The following PTPRZ1 variants were observed in gnomAD, a reference collection of about 807,000 sequenced individuals.
PTPRZ1 encodes the protein protein tyrosine phosphatase receptor type Z1.
A neutral mutation model predicts 214.1 loss-of-function variants in PTPRZ1; 82 were observed. The ratio of observed to expected loss-of-function variants is 0.38; its 90% CI spans 0.32 to 0.46. The LOEUF is 0.46. PTPRZ1 is among the 20% of genes least tolerant of loss of function. The pLI, the probability that PTPRZ1 is intolerant of heterozygous loss-of-function variation, is 1.00. For synonymous variants in PTPRZ1, 945 were observed against 987.9 expected (o/e 0.96, Z 0.81); for missense variants, 2,603 against 2,748.7 (o/e 0.95, Z 1.19).
In PTPRZ1 at chr7:122,061,096, T is replaced by G; in HGVS notation, c.6824T>G (p.Leu2275Arg). 6.2e-7 allele frequency: 1 copy of G among 1,607,864 alleles called. No individual in the cohort carries two copies. Among genetic ancestry groups the G allele is most frequent in the South Asian group, 1.1e-5 (1 of 90,120 alleles). Residue 2275 changes from leucine to arginine, a missense_variant, in exon 30 of 30, where the codon CTC (leucine) becomes CGC (arginine). This residue lies in a region of PTPRZ1 where 165 missense variants were observed against 151.4 expected (regional missense o/e 1.09). Coordinates refer to ENST00000393386, the MANE Select transcript of PTPRZ1 (RefSeq NM_002851.3). ...GTTCTCTAGGAGCAGTATCAGTTTC[T>G]CTACAAAGTGATCCTCAGCCTTGTG... Reference protein sequence around the residue: ...VFADIEQYQFLYKVILSLVST... With the variant: ...VFADIEQYQFRYKVILSLVST...
At chr7:122,015,996 C>G (rs1798830718) in intron 12 of PTPRZ1, among the ~76,000 whole-genome samples, 1 of 152,022 alleles carries the variant, frequency 6.6e-6, no homozygotes, top group Non-Finnish European at 1.5e-5. Flanking sequence ...TGCATGCAGA[C>G]TAGCTCTGAA....
chr7:121,985,234 A>T (rs1347789746), intron 8 of PTPRZ1, among the ~76,000 whole-genome samples: 10 of 152,192 alleles, frequency 6.6e-5, no homozygotes. Context: ...GTAGTACTAA[A>T]TACTATAGCA....
intron 15 of PTPRZ1, among the ~76,000 whole-genome samples, chr7:122,033,676 T>C (rs1318084912): frequency 6.6e-6 from 1 of 152,040 alleles, no homozygotes; most frequent in Non-Finnish European, 1.5e-5. Context: ...CTTTTTAAAG[T>C]AACCCCCCAA....
At chr7:121,884,525 T>C (rs181351525) in intron 1 of PTPRZ1, among the ~76,000 whole-genome samples, 2 of 152,310 alleles carry the variant, frequency 1.3e-5, no homozygotes, top group East Asian at 3.9e-4. Context: ...GCCTGACATT[T>C]TCCTGCCTCC....
At chr7:122,031,412 G>T in intron 14 of PTPRZ1, 62 bp from the exon 15 acceptor site, 1 of 1,159,396 alleles carries the variant, frequency 8.6e-7, no homozygotes, top group Non-Finnish European at 1.3e-6. Flanking sequence ...TACTTTATAA[G>T]TGATAGGTAC....
At chr7:121,965,467 A>G (rs2116502451) in intron 2 of PTPRZ1, among the ~76,000 whole-genome samples, 1 of 152,254 alleles carries the variant, frequency 6.6e-6, no homozygotes, top group East Asian at 1.9e-4. Context: ...CTCAGTTCTT[A>G]GCCACACGCC....
chr7:121,882,742 C>T (rs778426198), intron 1 of PTPRZ1, among the ~76,000 whole-genome samples: 4 of 152,220 alleles, frequency 2.6e-5, no homozygotes, highest in Admixed American at 2.0e-4. Context: ...AATCAGGAAG[C>T]TTGGTTAAAA....
chr7:121,993,734 A>G (rs1011431834), intron 8 of PTPRZ1, among the ~76,000 whole-genome samples: 1 of 152,198 alleles, frequency 6.6e-6, no homozygotes, highest in South Asian at 2.1e-4. Context: ...GGAATTAACT[A>G]AATTGTTATT....
In PTPRZ1 at chr7:122,011,112, C is replaced by T; in HGVS notation, c.2066C>T (p.Thr689Ile). ...TEIRVDESEK[T>I]TKSFSAGPVM... ...ATACGTGTTGATGAATCTGAGAAGA[C>T]AACCAAGTCCTTTTCTGCAGGCCCA... The change falls in exon 12 of 30, where the codon ACA becomes ATA. Residue 689 changes from threonine to isoleucine, a missense_variant. Thr to Ile is a moderately conservative substitution (Grantham distance 89). Around this residue, in one of 6 missense-constraint regions of PTPRZ1, gnomAD observed 1,913 missense variants for 1,914.3 expected, o/e 1.00. Transcript: ENST00000393386. The T allele has an allele frequency of 6.2e-7, 1 of 1,614,108 alleles. No homozygotes were observed. The highest frequency in any genetic ancestry group is 8.5e-7 in the Non-Finnish European group (1 of 1,180,004).
At chr7:121,951,898 C>G (rs1184126731) in intron 2 of PTPRZ1, among the ~76,000 whole-genome samples, 1 of 152,192 alleles carries the variant, frequency 6.6e-6, no homozygotes, top group Non-Finnish European at 1.5e-5. Flanking sequence ...GAATCTTCCC[C>G]TGGGCTGAAA....
At chr7:122,055,510 T>A (rs1269909589) in intron 27 of PTPRZ1, among the ~76,000 whole-genome samples, 1 of 151,920 alleles carries the variant, frequency 6.6e-6, no homozygotes, top group Admixed American at 6.6e-5. Flanking sequence ...AAACTTACTA[T>A]TCTCTACCAA....
At chr7:122,052,023 C>T in intron 25 of PTPRZ1, 84 bp downstream of exon 25, 8 of 1,034,912 alleles carry the variant, frequency 7.7e-6, no homozygotes, top group Non-Finnish European at 1.1e-5. Flanking sequence ...GCAAAGACTA[C>T]AGGCATGGGC....
intron 25 of PTPRZ1, 118 bp from the exon 26 acceptor site, chr7:122,053,792 G>C (rs1178210692): frequency 2.4e-6 from 3 of 1,241,340 alleles, no homozygotes; most frequent in Non-Finnish European, 2.2e-6. Context: ...ACTACATATA[G>C]ACACAATCTG....
In PTPRZ1 at chr7:122,010,638, T is replaced by C. The variant is rs1393756380; in HGVS notation, c.1592T>C (p.Val531Ala). Reference sequence around the variant, plus strand: ...GTGACTGAACTGCCACCTCACACTGTGGAAGGTACTTCAGCCTCTTTAAAT... The same window carrying C: ...GTGACTGAACTGCCACCTCACACTGCGGAAGGTACTTCAGCCTCTTTAAAT... ...QTVTELPPHT[V>A]EGTSASLNDG... The change falls in exon 12 of 30, where the codon GTG (valine) becomes GCG (alanine). Residue 531 changes from valine to alanine, a missense_variant. Coordinates refer to ENST00000393386, the MANE Select transcript of PTPRZ1 (RefSeq NM_002851.3). 6.2e-7 allele frequency: 1 copy of C among 1,613,604 alleles called. No individual in the cohort carries two copies. The highest frequency in any genetic ancestry group is 1.1e-5 in the South Asian group (1 of 91,078).
intron 1 of PTPRZ1, among the ~76,000 whole-genome samples, chr7:121,883,734 C>G (rs906644134): frequency 2.6e-5 from 4 of 152,198 alleles, no homozygotes. Context: ...TCAAGTGAGT[C>G]TCCTGCCTCA....
chr7:121,903,242 T>C (rs927931138), intron 1 of PTPRZ1, among the ~76,000 whole-genome samples: 2 of 152,216 alleles, frequency 1.3e-5, no homozygotes, highest in Admixed American at 1.3e-4. Context: ...ATTTTTAAAA[T>C]GAATTTATCT....
intron 13 of PTPRZ1, among the ~76,000 whole-genome samples, chr7:122,019,838 T>C (rs1437559180): frequency 6.6e-6 from 1 of 152,200 alleles, no homozygotes; most frequent in East Asian, 1.9e-4. Flanking sequence ...TCGCTGTCAA[T>C]AATCTATTAA....
At position 121,976,283 on chromosome 7, in the gene PTPRZ1, C is replaced by T; in HGVS notation, c.552+15C>T. The T allele has an allele frequency of 7.1e-7, 1 of 1,400,622 alleles. No homozygotes were observed. The highest frequency in any genetic ancestry group is 2.3e-5 in the East Asian group (1 of 43,194). 86.8% of individuals were successfully genotyped at this position (1,400,622 alleles called of 1,614,324 possible). A position where few individuals can be genotyped will look rare whatever the true frequency, so the allele number is the denominator to read the frequency against. ...TTTTGTTTGAGGTAATATATATACA[C>T]TTTACACTAATGTAATTCCTTTTTA... On this transcript the variant is annotated intron_variant, in intron 5 of 29. Transcript: ENST00000393386.
At chr7:121,958,029 T>C (rs1322728249) in intron 2 of PTPRZ1, among the ~76,000 whole-genome samples, 1 of 152,216 alleles carries the variant, frequency 6.6e-6, no homozygotes, top group African/African-American at 2.4e-5. Context: ...TTCCTCTCAA[T>C]ATATACACAT....
Sources: gnomAD v4.1 joint callset for allele counts (sites outside exome capture counted in the v4.1 genomes callset) on GRCh38, gnomAD v4.1.1 for gene constraint, gnomAD v4.1.1 regional missense constraint, MANE v1.5 for transcripts, NCBI Gene and HGNC (gene_info 2026-07-23, HGNC 2026-07-21) for gene names.